The following ARHGAP12 variants were observed in gnomAD, a reference collection of about 807,000 sequenced individuals.
ARHGAP12 encodes rho GTPase-activating protein 12.
Under a neutral mutation model 108.6 loss-of-function variants are expected in ARHGAP12, and 64 were observed. The ratio of observed to expected loss-of-function variants is 0.59; its 90% confidence interval spans 0.48 to 0.73. The LOEUF is 0.73. Among genes scored for constraint, ARHGAP12 ranks in the 30% least tolerant of loss-of-function variants. The pLI is 0.00. For missense variants in ARHGAP12, 940 were observed against 1,005.9 expected, an observed-to-expected ratio of 0.93 and a Z score of 0.89; for synonymous variants, 312 against 337.2, an observed-to-expected ratio of 0.93 and a Z score of 0.82.
rs368922416 is a variant in ARHGAP12, at chr10:31,814,261, C to T, written c.1832G>A (p.Arg611His). Residue 611 changes from arginine to histidine, a missense_variant and splice_region_variant, in exon 14 of 20, where the codon CGT (arginine) becomes CAT (histidine). By Grantham distance (29) the Arg-to-His change is conservative. Transcript: ENST00000344936. ...AAAATAGGGAAAGGACAACTTACAACGAAGCTTTTTGGGATCCTTTTGTTC... is the reference window on the plus strand; with the variant it reads ...AAAATAGGGAAAGGACAACTTACAATGAAGCTTTTTGGGATCCTTTTGTTC... ...EKEQKDPKKL[R>H]SFKVSSIDSS... 8.1e-5 allele frequency: 130 copies of T among 1,613,088 alleles called. No individual in the cohort carries two copies. The highest frequency in any genetic ancestry group is 2.0e-4 in the Admixed American group (12 of 59,992).
chr10:31,867,932 G>C (rs1461695755), intron 3 of ARHGAP12, among the ~76,000 whole-genome samples: 1 of 152,080 alleles, frequency 6.6e-6, no homozygotes, highest in Non-Finnish European at 1.5e-5. Flanking sequence ...AGGCACAGTG[G>C]CTTACACCTG....
chr10:31,918,860 A>G (rs1319691991), intron 1 of ARHGAP12, among the ~76,000 whole-genome samples: 1 of 152,238 alleles, frequency 6.6e-6, no homozygotes, highest in Non-Finnish European at 1.5e-5. Context: ...CAATTACCAC[A>G]TTATCCAGCA....
intron 1 of ARHGAP12, among the ~76,000 whole-genome samples, chr10:31,918,864 T>C (rs987812497): frequency 6.6e-6 from 1 of 152,194 alleles, no homozygotes; most frequent in Non-Finnish European, 1.5e-5. Context: ...TACCACATTA[T>C]CCAGCAATTC....
intron 9 of ARHGAP12, among the ~76,000 whole-genome samples, chr10:31,835,362 CTT>C (rs900834179): frequency 6.6e-6 from 1 of 151,952 alleles, no homozygotes; most frequent in African/African-American, 2.4e-5. Context: ...TATATACAAA[CTT>C]ATACATGAAT....
chr10:31,879,697 T>C lies in ARHGAP12; in HGVS notation c.685-18039A>G, dbSNP rs78337052. ...ACCTAATATGGCTCACACTTGGCTC[T>C]AGTATTTTAAAAAAAAGACAATACT... is the stretch of plus-strand genomic sequence containing the variant. On this transcript the variant is annotated intron_variant, in intron 3 of 19. Transcript: ENST00000344936. Among the ~76,000 whole-genome samples, 531 of 152,304 alleles carry C rather than the reference T, an allele frequency of 3.5e-3. 4 individuals are homozygous for C. The highest frequency in any genetic ancestry group is 4.2e-3 in the Non-Finnish European group (286 of 68,030).
At chr10:31,891,241 A>T (rs569143859) in intron 3 of ARHGAP12, among the ~76,000 whole-genome samples, 1 of 152,338 alleles carries the variant, frequency 6.6e-6, no homozygotes, top group South Asian at 2.1e-4. Context: ...ATCATCATCA[A>T]TGAATAAACT....
chr10:31,852,588 G>A lies in ARHGAP12; in HGVS notation c.1099C>T (p.His367Tyr), dbSNP rs1490086574. The part of the protein sequence containing the change: ...SDYTNEKWLK[H>Y]VDDQGRQYYY... The stretch of plus-strand genomic sequence containing the variant: ...TATTGTCTACCTTGATCATCAACAT[G>A]CTTGAGCCACTATAAAAACAGAACA... The change falls in exon 6 of 20, where the codon CAT becomes TAT. Residue 367 changes from histidine (H) to tyrosine (Y), a missense_variant. Coordinates refer to ENST00000344936, the MANE Select transcript of ARHGAP12 (RefSeq NM_018287.7). 1.2e-6 allele frequency: 2 copies of A among 1,611,820 alleles called. No individual in the cohort carries two copies. Among genetic ancestry groups the A allele is most frequent in the Admixed American group, 3.3e-5 (2 of 59,990 alleles).
intron 8 of ARHGAP12, 45 bp from the exon 9 acceptor site, chr10:31,839,364 G>A (rs754988225): frequency 6.4e-7 from 1 of 1,556,274 alleles, no homozygotes; most frequent in Non-Finnish European, 8.7e-7. Flanking sequence ...TATTGTCTGG[G>A]AATTTTATAT....
chr10:31,910,314 A>C (rs1029076658), intron 2 of ARHGAP12, among the ~76,000 whole-genome samples: 1 of 152,150 alleles, frequency 6.6e-6, no homozygotes, highest in Admixed American at 6.5e-5. Context: ...TCTATAGCAA[A>C]CAAGTACTGA....
At chr10:31,914,718 G>C (rs193185222) in intron 1 of ARHGAP12, among the ~76,000 whole-genome samples, 3 of 152,246 alleles carry the variant, frequency 2.0e-5, no homozygotes, top group Admixed American at 6.5e-5. Context: ...TGCCATAATG[G>C]AAAACAATAT....
rs140721997 is a variant in ARHGAP12 at position 31,819,261 on chromosome 10, C to T, written c.1632+1126G>A. Among the ~76,000 whole-genome samples the T allele has an allele frequency of 2.2e-4, 33 of 152,142 alleles. No individual in the cohort carries two copies. In the East Asian group the frequency reaches 2.7e-3, roughly 12 times the overall value. ...GCATGGGTTGGTGCTCGAGGCAGAA[C>T]AATAAAGAGTAAAAATCAGACAAAC... On this transcript the variant is annotated intron_variant, in intron 12 of 19. Transcript: ENST00000344936.
At chr10:31,839,458 A>G in intron 8 of ARHGAP12, 139 bp from the exon 9 acceptor site, 2 of 1,092,610 alleles carry the variant, frequency 1.8e-6, no homozygotes, top group East Asian at 5.4e-5. Context: ...TTTAAACAAA[A>G]GGGGGACTTT....
chr10:31,814,382 A>G (rs751060329), intron 13 of ARHGAP12, 21 bp from the exon 14 acceptor site: 1 of 1,542,468 alleles, frequency 6.5e-7, no homozygotes, highest in African/African-American at 1.4e-5. Flanking sequence ...GATATTTCCC[A>G]AACACATATT....
chr10:31,853,246 A>C (rs1019567665), intron 5 of ARHGAP12, among the ~76,000 whole-genome samples: 15 of 152,224 alleles, frequency 9.9e-5, no homozygotes, highest in Admixed American at 9.2e-4. Context: ...AGGTTTGAGA[A>C]ATTGACAAAA....
chr10:31,923,139 A>ACAAAAC (rs1554792916), intron 1 of ARHGAP12, among the ~76,000 whole-genome samples: 1 of 151,022 alleles, frequency 6.6e-6, no homozygotes, highest in African/African-American at 2.5e-5. Flanking sequence ...CAGGAAAAAA[A>ACAAAAC]AAAAAAAAAA....
Position 31,908,244 on chromosome 10 carries a change from T to C in ARHGAP12, c.612A>G (p.Glu204=). 6.2e-7 allele frequency: 1 copy of C among 1,614,014 alleles called. No homozygotes were observed. The highest frequency in any genetic ancestry group is 8.5e-7 in the Non-Finnish European group (1 of 1,180,012). ...AATCTTGATGTATTCTTTCAGAGCC[T>C]TCTCCTGCGGAATCACAAGATTGTT... ...SQEQSCDSAG[E]GSERIHQDSE... Residue 204 remains glutamate, a synonymous_variant, in exon 3 of 20, where the codon GAA becomes GAG. Transcript: ENST00000344936.
intron 3 of ARHGAP12, among the ~76,000 whole-genome samples, chr10:31,882,059 C>A (rs965159249): frequency 1.3e-5 from 2 of 150,772 alleles, no homozygotes; most frequent in African/African-American, 2.4e-5. Flanking sequence ...GGACTACAGG[C>A]GCCCGCCACT....
chr10:31,861,382 T>C lies in ARHGAP12; in HGVS notation c.948+13A>G. The C allele has an allele frequency of 1.3e-6, 2 of 1,587,238 alleles. No individual in the cohort carries two copies. The highest frequency in any genetic ancestry group is 1.7e-6 in the Non-Finnish European group (2 of 1,171,124). On this transcript the variant is annotated intron_variant, in intron 4 of 19. Coordinates refer to ENST00000344936, the MANE Select transcript of ARHGAP12 (RefSeq NM_018287.7). ...ATCTGGTAACTTGCAGTTGATTCCT[T>C]AATTACTCATACCTCTTGATCCCCT...
At chr10:31,912,857 G>C (rs991613308) in intron 1 of ARHGAP12, among the ~76,000 whole-genome samples, 4 of 152,104 alleles carry the variant, frequency 2.6e-5, no homozygotes, top group Admixed American at 6.5e-5. Flanking sequence ...TCTAGGAAGA[G>C]CCACATAAAA....
Sources: allele counts gnomAD v4.1 joint callset (sites outside exome capture counted in the v4.1 genomes callset), GRCh38; gene constraint gnomAD v4.1.1; transcripts MANE v1.5; gene names NCBI Gene and HGNC (gene_info 2026-07-23, HGNC 2026-07-21).